The following EEFSEC variants were observed in gnomAD, a reference collection of about 807,000 sequenced individuals.
EEFSEC encodes selenocysteine-specific elongation factor.
A neutral mutation model predicts 42.1 loss-of-function variants in EEFSEC; 43 were observed. That is an observed-to-expected ratio of 1.02 (90% CI 0.80 to 1.32). The LOEUF (loss-of-function observed/expected upper bound fraction) is 1.32. EEFSEC is among the 40% of genes most tolerant of loss of function. The pLI, the probability that EEFSEC is intolerant of heterozygous loss-of-function variation, is 0.00. For synonymous variants in EEFSEC, 354 were observed against 339.1 expected (o/e 1.04, Z -0.48); for missense variants, 745 against 803.6 (o/e 0.93, Z 0.88).
the EEFSEC span, among the ~76,000 whole-genome samples, chr3:128,414,715 ACCG>A: frequency 6.6e-6 from 1 of 152,098 alleles, no homozygotes; most frequent in Non-Finnish European, 1.5e-5. Flanking sequence ...AACTAACTTC[ACCG>A]CCATCATCAT....
chr3:128,190,441 G>C (rs2065511512), intron 1 of EEFSEC, among the ~76,000 whole-genome samples: 1 of 152,148 alleles, frequency 6.6e-6, no homozygotes, highest in African/African-American at 2.4e-5. Context: ...ATGGAAAAAG[G>C]CTTATAGAAT....
At chr3:128,377,819 T>G (rs186585332) in intron 6 of EEFSEC, among the ~76,000 whole-genome samples, 1 of 152,268 alleles carries the variant, frequency 6.6e-6, no homozygotes, top group Non-Finnish European at 1.5e-5. Context: ...AGTGCCATTT[T>G]ATACTTCCAT....
intron 1 of EEFSEC, among the ~76,000 whole-genome samples, chr3:128,195,613 C>T (rs900102984): frequency 6.6e-6 from 1 of 152,314 alleles, no homozygotes; most frequent in Admixed American, 6.5e-5. Flanking sequence ...TGAGCCTCGT[C>T]TCCTCTCTCC....
At chr3:128,326,090 G>C (rs2067060739) in intron 4 of EEFSEC, among the ~76,000 whole-genome samples, 1 of 152,220 alleles carries the variant, frequency 6.6e-6, no homozygotes, top group South Asian at 2.1e-4. Flanking sequence ...TCTGGAGGGG[G>C]TGTTGAGGGA....
At chr3:128,250,911 GTT>G (rs35594175) in intron 2 of EEFSEC, among the ~76,000 whole-genome samples, 6 of 108,590 alleles carry the variant, frequency 5.5e-5, no homozygotes, top group Non-Finnish European at 9.0e-5. Flanking sequence ...GTTTTTTTTG[GTT>G]TTTTTTTTTT....
At chr3:128,249,608 C>G in intron 2 of EEFSEC, among the ~76,000 whole-genome samples, 1 of 152,164 alleles carries the variant, frequency 6.6e-6, no homozygotes, top group Non-Finnish European at 1.5e-5. Context: ...TTCCTCCCAC[C>G]CTGGCAACCT....
chr3:128,323,756 A>C (rs906819821), intron 4 of EEFSEC, among the ~76,000 whole-genome samples: 2 of 152,310 alleles, frequency 1.3e-5, no homozygotes, highest in African/African-American at 4.8e-5. Flanking sequence ...CCCAGGGCAG[A>C]TCATGGAGAG....
chr3:128,276,830 A>C (rs569312878), intron 4 of EEFSEC, among the ~76,000 whole-genome samples: 1 of 152,312 alleles, frequency 6.6e-6, no homozygotes, highest in Non-Finnish European at 1.5e-5. Flanking sequence ...TATCTTGAGC[A>C]ATGAAGGGGT....
chr3:128,367,258 CAGTT>C (rs1159233401), intron 6 of EEFSEC, among the ~76,000 whole-genome samples: 6 of 152,350 alleles, frequency 3.9e-5, no homozygotes, highest in African/African-American at 1.4e-4. Flanking sequence ...CAGCCTGTAA[CAGTT>C]AGGATGCTGG....
At chr3:128,276,592 A>G (rs1394905758) in intron 4 of EEFSEC, among the ~76,000 whole-genome samples, 1 of 152,206 alleles carries the variant, frequency 6.6e-6, no homozygotes, top group Admixed American at 6.5e-5. Context: ...TCAGTGTCCA[A>G]CATATTCATT....
chr3:128,243,388 G>A (rs1576575316), intron 1 of EEFSEC, among the ~76,000 whole-genome samples: 1 of 152,248 alleles, frequency 6.6e-6, no homozygotes, highest in Non-Finnish European at 1.5e-5. Flanking sequence ...AGGGCCTGAT[G>A]CGTGGAGCAC....
At chr3:128,425,082 T>C in the EEFSEC span, among the ~76,000 whole-genome samples, 3 of 152,206 alleles carry the variant, frequency 2.0e-5, no homozygotes, top group Admixed American at 1.3e-4. Flanking sequence ...TTTAAACATG[T>C]AGCTCTGTGC....
chr3:128,369,784 C>T (rs1376508245), intron 6 of EEFSEC, among the ~76,000 whole-genome samples: 1 of 152,198 alleles, frequency 6.6e-6, no homozygotes, highest in African/African-American at 2.4e-5. Flanking sequence ...AGCAGTGTTG[C>T]TCCCTTGGCT....
At chr3:128,422,144 G>T in the EEFSEC span, among the ~76,000 whole-genome samples, 1 of 152,054 alleles carries the variant, frequency 6.6e-6, no homozygotes, top group Non-Finnish European at 1.5e-5. Flanking sequence ...ATGGCCCTGG[G>T]GCAACTGCAG....
intron 6 of EEFSEC, among the ~76,000 whole-genome samples, chr3:128,398,301 GC>G (rs1559958474): frequency 6.6e-6 from 1 of 152,178 alleles, no homozygotes; most frequent in South Asian, 2.1e-4. Context: ...ACAGAAGCGG[GC>G]AAGATAGACA....
chr3:128,292,552 C>A (rs1178515874), intron 4 of EEFSEC, among the ~76,000 whole-genome samples: 1 of 151,428 alleles, frequency 6.6e-6, no homozygotes, highest in Non-Finnish European at 1.5e-5. Context: ...TGTTGTGTTT[C>A]TATAAGGAAT....
chr3:128,154,794 G>T (rs181031808), intron 1 of EEFSEC, among the ~76,000 whole-genome samples: 2 of 152,282 alleles, frequency 1.3e-5, no homozygotes, highest in South Asian at 4.1e-4. Flanking sequence ...GGACGTTTAT[G>T]CTGTTTCCAG....
At chr3:128,422,609 G>T in the EEFSEC span, among the ~76,000 whole-genome samples, 1 of 152,234 alleles carries the variant, frequency 6.6e-6, no homozygotes, top group African/African-American at 2.4e-5. Context: ...CTCCGTGGCT[G>T]GCCCTGGCCC....
chr3:128,177,679 A>G (rs2065364866), intron 1 of EEFSEC, among the ~76,000 whole-genome samples: 1 of 151,998 alleles, frequency 6.6e-6, no homozygotes, highest in Non-Finnish European at 1.5e-5. Flanking sequence ...ACTCCAAAGA[A>G]TCTCCCCCCG....
Sources: allele counts gnomAD v4.1 joint callset (sites outside exome capture counted in the v4.1 genomes callset), GRCh38; gene constraint gnomAD v4.1.1; transcripts MANE v1.5; gene names NCBI Gene and HGNC (gene_info 2026-07-23, HGNC 2026-07-21).